Variants in LONRF2 observed in about 807,000 individuals in gnomAD.
LONRF2 encodes the protein LON peptidase N-terminal domain and ring finger 2.
A neutral mutation model predicts 66.6 loss-of-function variants in LONRF2; 35 were observed. That is an observed-to-expected ratio of 0.53 (90% CI 0.40 to 0.70). The LOEUF (loss-of-function observed/expected upper bound fraction) is 0.70, where lower values mean the gene tolerates loss of function less well. Among genes scored for constraint, LONRF2 ranks in the 30% least tolerant of loss-of-function variants. The pLI is 0.00. For synonymous variants in LONRF2, 417 were observed against 418.1 expected, an observed-to-expected ratio of 1.00 and a Z score of 0.03; for missense variants, 902 against 1,002.1, an observed-to-expected ratio of 0.90 and a Z score of 1.35.
chr2:100,286,289 C>T (rs77350438), intron 11 of LONRF2, among the ~76,000 whole-genome samples: 34 of 152,218 alleles, frequency 2.2e-4, no homozygotes, highest in African/African-American at 7.0e-4. Context: ...GGGAGGTATA[C>T]ACTCTCAGGC....
intron 10 of LONRF2, 83 bp downstream of exon 10, chr2:100,290,175 C>A: frequency 7.7e-7 from 1 of 1,304,720 alleles, no homozygotes; most frequent in East Asian, 2.4e-5. Flanking sequence ...ATTGTCAGTA[C>A]AAGTTTGACA....
At position 100,321,603 on chromosome 2, in the gene LONRF2, T is replaced by G; in HGVS notation, c.491A>C (p.Lys164Thr). ...VTLPCGLTVC[K>T]RCVEPGPARP... ...CGCGGGCCCTGGCTCCACGCAGCGC[T>G]TGCAGACTGTGAGCCCGCAGGGCAG... The change falls in exon 1 of 12, where the codon AAG becomes ACG. Residue 164 changes from lysine to threonine, a missense_variant. Lys to Thr is a moderately conservative substitution (Grantham distance 78). This residue lies in a region of LONRF2 where 585 missense variants were observed against 569.9 expected (regional missense o/e 1.03). Transcript: ENST00000393437. 6.6e-7 allele frequency: 1 copy of G among 1,518,144 alleles called. No homozygotes were observed. Among genetic ancestry groups the G allele is most frequent in the Non-Finnish European group, 8.7e-7 (1 of 1,144,900 alleles). The allele number at this position is 1,518,144 out of a possible 1,614,324, so 94.0% of individuals were successfully genotyped here. A position where few individuals can be genotyped will look rare whatever the true frequency, so the allele number is the denominator to read the frequency against.
chr2:100,286,207 A>G (rs1041031075), intron 11 of LONRF2, among the ~76,000 whole-genome samples: 1 of 152,200 alleles, frequency 6.6e-6, no homozygotes, highest in African/African-American at 2.4e-5. Context: ...GACCTTTCAC[A>G]TCACCCTAAA....
At chr2:100,308,934 T>G (rs996431710) in intron 2 of LONRF2, among the ~76,000 whole-genome samples, 173 bp downstream of exon 2, 1 of 152,238 alleles carries the variant, frequency 6.6e-6, no homozygotes, top group Non-Finnish European at 1.5e-5. Context: ...GGAGATTTAG[T>G]CTTTTAAATT....
At chr2:100,286,634 G>C (rs1035410599) in intron 11 of LONRF2, among the ~76,000 whole-genome samples, 6 of 152,220 alleles carry the variant, frequency 3.9e-5, no homozygotes, top group Admixed American at 3.9e-4. Flanking sequence ...TAAGATGTGA[G>C]TGAAAGAAGC....
chr2:100,319,495 T>C (rs572012586), intron 1 of LONRF2, among the ~76,000 whole-genome samples: 3 of 152,328 alleles, frequency 2.0e-5, no homozygotes, highest in East Asian at 1.9e-4. Flanking sequence ...TCATACTTCC[T>C]CACAATCACT....
In LONRF2 at chr2:100,299,763, C is replaced by G. The variant is rs1184457447; in HGVS notation, c.1221G>C (p.Val407=). 2 of 1,614,078 alleles carry G rather than the reference C, an allele frequency of 1.2e-6. No homozygotes were observed. The highest frequency in any genetic ancestry group is 8.5e-7 in the Non-Finnish European group (1 of 1,179,998). ...AGLKRQFPDD[V]EDAPDLNAPG... is the part of the protein sequence containing the mutation. ...GGGCGTTCAGGTCAGGTGCATCCTC[C>G]ACGTCATCCGGAAACTGTCTCTTTA... is the stretch of plus-strand genomic sequence containing the variant. The change falls in exon 5 of 12, where the codon GTG becomes GTC. Residue 407 remains valine, a synonymous_variant. Coordinates refer to ENST00000393437, the MANE Select transcript of LONRF2 (RefSeq NM_198461.4).
chr2:100,311,325 G>A (rs1386742928), intron 1 of LONRF2, among the ~76,000 whole-genome samples: 1 of 150,676 alleles, frequency 6.6e-6, no homozygotes, highest in East Asian at 2.0e-4. Context: ...CTATAATGCT[G>A]ATTTTTTTCC....
rs563180284 is a variant in LONRF2, at chr2:100,272,335, T to C, written c.*11963A>G. ...GCAACACAGCTAGACCTCGTCTCCATAGAAAGTAAAAAAATTAGCCGGGTA... is the reference window on the plus strand; with the variant it reads ...GCAACACAGCTAGACCTCGTCTCCACAGAAAGTAAAAAAATTAGCCGGGTA... On this transcript the variant is annotated 3_prime_UTR_variant, in exon 12 of 12. Transcript: ENST00000393437. Among the ~76,000 whole-genome samples the C allele has an allele frequency of 3.9e-5, 6 of 152,094 alleles. No homozygotes were observed. Among genetic ancestry groups the C allele is most frequent in the East Asian group, 3.9e-4 (2 of 5,156 alleles).
At chr2:100,309,052 A>G in intron 2 of LONRF2, 55 bp downstream of exon 2, 1 of 1,221,496 alleles carries the variant, frequency 8.2e-7, no homozygotes, top group South Asian at 1.5e-5. Context: ...TTTGTTTTTA[A>G]GAAAATCATA....
Position 100,280,932 on chromosome 2 carries a change from A to G in LONRF2, c.*3366T>C, listed in dbSNP as rs978214179. The G allele has an allele frequency of 1.3e-5, 2 of 152,160 alleles. No individual in the cohort carries two copies. The highest frequency in any genetic ancestry group is 4.8e-5 in the African/African-American group (2 of 41,422). 9.4% of individuals were successfully genotyped at this position (152,160 alleles called of 1,614,324 possible). ...CACCTTTCTTCTTCATATCTTTCAC[A>G]CTTCTTCTTATTTGATAGACAGTAT... On this transcript the variant is annotated 3_prime_UTR_variant, in exon 12 of 12. Transcript: ENST00000393437.
At chr2:100,305,487 G>A (rs1294281727) in intron 2 of LONRF2, among the ~76,000 whole-genome samples, 1 of 152,064 alleles carries the variant, frequency 6.6e-6, no homozygotes, top group Non-Finnish European at 1.5e-5. Flanking sequence ...CTATTTTCAG[G>A]TCCTGTCTTA....
chr2:100,312,297 G>A (rs144381657), intron 1 of LONRF2, among the ~76,000 whole-genome samples: 185 of 151,822 alleles, frequency 1.2e-3, no homozygotes, highest in African/African-American at 4.1e-3. Context: ...TTTTATATCC[G>A]CAATGATGCT....
At position 100,321,516 on chromosome 2, in the gene LONRF2, G is replaced by A. The variant is rs544632069; in HGVS notation, c.578C>T (p.Ala193Val). ...TGCCAGCCTGCGCAGCCGGCACTCG[G>A]CCGGGAAGCACTTCTCCAGCAGGCC... is the stretch of plus-strand genomic sequence containing the variant. ...LSGLLEKCFPAECRLRRLAGQ... is the reference protein window; with the variant it reads ...LSGLLEKCFPVECRLRRLAGQ... Residue 193 changes from alanine to valine, a missense_variant, in exon 1 of 12, where the codon GCC becomes GTC. This residue lies in a region of LONRF2 where 585 missense variants were observed against 569.9 expected (regional missense o/e 1.03). Coordinates refer to ENST00000393437, the MANE Select transcript of LONRF2 (RefSeq NM_198461.4). The A allele has an allele frequency of 4.0e-5, 62 of 1,550,968 alleles. No homozygotes were observed. In the African/African-American group the frequency reaches 7.0e-4, roughly 17 times the overall value.
At chr2:100,315,933 T>C (rs1675496573) in intron 1 of LONRF2, among the ~76,000 whole-genome samples, 1 of 152,174 alleles carries the variant, frequency 6.6e-6, no homozygotes, top group African/African-American at 2.4e-5. Context: ...TTTGGTAGTA[T>C]GGGCATTTAA....
At chr2:100,303,086 A>C (rs1290140871) in intron 2 of LONRF2, 43 bp from the exon 3 acceptor site, 1 of 1,526,402 alleles carries the variant, frequency 6.6e-7, no homozygotes, top group Admixed American at 2.1e-5. Flanking sequence ...AAAACCCAGC[A>C]TGATTATATA....
At chr2:100,306,605 G>C (rs1480578673) in intron 2 of LONRF2, among the ~76,000 whole-genome samples, 3 of 152,170 alleles carry the variant, frequency 2.0e-5, no homozygotes, top group Non-Finnish European at 4.4e-5. Context: ...CAAAAGCTTT[G>C]AATCATTAGC....
In LONRF2 at chr2:100,300,719, G is replaced by A. The variant is rs760658639; in HGVS notation, c.990C>T (p.Ser330=). The change falls in exon 4 of 12, where the codon AGC becomes AGT. Residue 330 remains serine, a synonymous_variant. Transcript: ENST00000393437. ...GGCTGTGACCCTGAGCCTTTAATCTGCTTTGGATGGAAGATGTTAAATTTT... is the reference window on the plus strand; with the variant it reads ...GGCTGTGACCCTGAGCCTTTAATCTACTTTGGATGGAAGATGTTAAATTTT... ...VHENLTSSIQ[S]RLKAQGHSHM... is the part of the protein sequence containing the mutation. 3 of 1,613,488 alleles carry A rather than the reference G, an allele frequency of 1.9e-6. No individual in the cohort carries two copies. The highest frequency in any genetic ancestry group is 2.7e-5 in the African/African-American group (2 of 74,890).
chr2:100,286,744 T>TG (rs1331729920), intron 11 of LONRF2, among the ~76,000 whole-genome samples, 170 bp downstream of exon 11: 1 of 152,212 alleles, frequency 6.6e-6, no homozygotes, highest in African/African-American at 2.4e-5. Context: ...GCTTCACAAG[T>TG]CATGTGCTAC....
Sources: gnomAD v4.1 joint callset for allele counts (sites outside exome capture counted in the v4.1 genomes callset) on GRCh38, gnomAD v4.1.1 for gene constraint, gnomAD v4.1.1 regional missense constraint, MANE v1.5 for transcripts, NCBI Gene and HGNC (gene_info 2026-07-23, HGNC 2026-07-21) for gene names.